The following ZBTB38 variants were observed in gnomAD, a reference collection of about 807,000 sequenced individuals.
ZBTB38 encodes the protein zinc finger and BTB domain-containing protein 38.
A neutral mutation model predicts 76.8 loss-of-function variants in ZBTB38; 20 were observed. That is an observed-to-expected ratio of 0.26 (90% CI 0.18 to 0.38). ZBTB38 has a LOEUF of 0.38. Ranked by LOEUF, ZBTB38 falls within the 10% of genes least tolerant of loss-of-function variation. The pLI, the probability that ZBTB38 is intolerant of heterozygous loss-of-function variation, is 1.00. For synonymous variants in ZBTB38, 504 were observed against 544.2 expected (o/e 0.93, Z 1.03); for missense variants, 1,082 against 1,482.3 (o/e 0.73, Z 4.43).
chr3:141,442,167 C>T lies in ZBTB38; in HGVS notation c.1-222C>T, dbSNP rs1373696565. 2.0e-5 allele frequency among the ~76,000 whole-genome samples: 3 copies of T among 151,880 alleles called. No homozygotes were observed. Among genetic ancestry groups the T allele is most frequent in the African/African-American group, 7.3e-5 (3 of 41,342 alleles). On this transcript the variant is annotated intron_variant, in intron 5 of 5. Coordinates refer to ENST00000321464, the MANE Select transcript of ZBTB38 (RefSeq NM_001376113.1). The surrounding 1 kb of genome is among the most constrained non-coding windows in gnomAD (Gnocchi z 6.4). ...AGGGGAAGGAGTTCTGGGAGGATTTCCAATGATAACAACTATTAGCAATGG... is the reference window on the plus strand; with the variant it reads ...AGGGGAAGGAGTTCTGGGAGGATTTTCAATGATAACAACTATTAGCAATGG...
At chr3:141,436,850 C>T (rs1176080159) in intron 5 of ZBTB38, among the ~76,000 whole-genome samples, 2 of 152,134 alleles carry the variant, frequency 1.3e-5, no homozygotes, top group African/African-American at 4.8e-5. Context: ...CTAAGATTTT[C>T]AAAAACATAG....
At position 141,443,864 on chromosome 3, in the gene ZBTB38, C is replaced by T. The variant is rs767849876; in HGVS notation, c.1476C>T (p.Tyr492=). ...HSWRRTYPCH[Y]CNKVFALAEY... ...GGAGAAGAACATATCCTTGCCATTA[C>T]TGCAACAAAGTATTTGCATTGGCTG... The change falls in exon 6 of 6, where the codon TAC becomes TAT. Residue 492 remains tyrosine, a synonymous_variant. Transcript: ENST00000321464. This position sits in a 1 kb window ranked among gnomAD's most constrained non-coding sequence, Gnocchi z 5.6. 2 of 1,614,140 alleles carry T rather than the reference C, an allele frequency of 1.2e-6. No homozygotes were observed. Among genetic ancestry groups the T allele is most frequent in the Non-Finnish European group, 1.7e-6 (2 of 1,180,036 alleles).
Position 141,368,666 on chromosome 3 carries a change from A to G in ZBTB38, c.-448A>G, listed in dbSNP as rs1424092410. 6.6e-6 allele frequency: 1 copy of G among 152,168 alleles called. No individual in the cohort carries two copies. The highest frequency in any genetic ancestry group is 2.4e-5 in the African/African-American group (1 of 41,426). The allele number at this position is 152,168 out of a possible 1,614,324, so 9.4% of individuals were successfully genotyped here. A position where few individuals can be genotyped will look rare whatever the true frequency, so the allele number is the denominator to read the frequency against. ...GTAGATCAACTTTCAAAATGTAGGAAGTCAGAATGGGTGACATCATCAGAA... is the reference window on the plus strand; with the variant it reads ...GTAGATCAACTTTCAAAATGTAGGAGGTCAGAATGGGTGACATCATCAGAA... On this transcript the variant is annotated 5_prime_UTR_variant, in exon 1 of 6. Coordinates refer to ENST00000321464, the MANE Select transcript of ZBTB38 (RefSeq NM_001376113.1).
chr3:141,418,302 G>A (rs942052733), intron 5 of ZBTB38, among the ~76,000 whole-genome samples: 3 of 152,186 alleles, frequency 2.0e-5, no homozygotes, highest in African/African-American at 7.2e-5. Context: ...CCCTCCCCAA[G>A]TGTGTCATTC....
At chr3:141,410,511 G>C (rs1379803813) in intron 5 of ZBTB38, among the ~76,000 whole-genome samples, 4 of 152,190 alleles carry the variant, frequency 2.6e-5, no homozygotes, top group African/African-American at 9.7e-5. Flanking sequence ...CCAGAAAAAG[G>C]CAGGTTATCA....
intron 4 of ZBTB38, among the ~76,000 whole-genome samples, chr3:141,395,988 G>A (rs897109112): frequency 2.0e-5 from 3 of 152,164 alleles, no homozygotes; most frequent in Non-Finnish European, 2.9e-5. Context: ...GCAGATGGAG[G>A]GTCTTGCCTG....
At chr3:141,384,144 G>A (rs1263001912) in intron 3 of ZBTB38, among the ~76,000 whole-genome samples, 2 of 152,208 alleles carry the variant, frequency 1.3e-5, no homozygotes, top group Non-Finnish European at 1.5e-5. Context: ...GAGTGTCTTG[G>A]AACATCACAA....
intron 5 of ZBTB38, among the ~76,000 whole-genome samples, chr3:141,421,280 T>C (rs563303715): frequency 0.013 from 1,723 of 129,674 alleles, 10 homozygotes; most frequent in Admixed American, 0.021. Flanking sequence ...ACTTCTCTCT[T>C]TTTTTTTTTT....
chr3:141,396,102 A>C (rs967768620), intron 4 of ZBTB38, among the ~76,000 whole-genome samples: 1 of 152,220 alleles, frequency 6.6e-6, no homozygotes, highest in African/African-American at 2.4e-5. Flanking sequence ...ATTGACTTTC[A>C]CAAAAGATTT....
chr3:141,382,460 C>T (rs908991878), intron 3 of ZBTB38, among the ~76,000 whole-genome samples: 1 of 152,058 alleles, frequency 6.6e-6, no homozygotes, highest in Admixed American at 6.6e-5. Flanking sequence ...GTATCTCTCT[C>T]GGCCTGTTTG....
At chr3:141,329,767 A>G (rs1942788224) in intron 1 of ZBTB38, among the ~76,000 whole-genome samples, 1 of 152,072 alleles carries the variant, frequency 6.6e-6, no homozygotes, top group Non-Finnish European at 1.5e-5. Flanking sequence ...TTTTCATTGT[A>G]CAGCTTTTGG....
chr3:141,340,619 C>T (rs576743944), intron 1 of ZBTB38, among the ~76,000 whole-genome samples: 3 of 152,210 alleles, frequency 2.0e-5, no homozygotes, highest in East Asian at 1.9e-4. Flanking sequence ...AGTGGTTGGC[C>T]GGGCGTGGTG....
At chr3:141,391,232 A>G (rs4683606) in intron 4 of ZBTB38, among the ~76,000 whole-genome samples, 81,080 of 152,094 alleles carry the variant, frequency 0.53, 24,203 homozygotes, top group African/African-American at 0.82. Context: ...AGCCACTTTA[A>G]AATGGTTGAT....
chr3:141,402,720 C>A (rs1368396553), intron 4 of ZBTB38: 2 of 152,020 alleles, frequency 1.3e-5, no homozygotes, highest in African/African-American at 4.8e-5. Context: ...CTGGAGAGTG[C>A]GGGCAGGTTG....
intron 2 of ZBTB38, among the ~76,000 whole-genome samples, chr3:141,377,974 C>T (rs755558424): frequency 3.9e-5 from 6 of 151,956 alleles, no homozygotes; most frequent in South Asian, 2.1e-4. Flanking sequence ...CCCAGGAGTT[C>T]GAGACCAGCC....
chr3:141,369,438 G>A (rs748470453), intron 1 of ZBTB38, among the ~76,000 whole-genome samples: 5 of 152,202 alleles, frequency 3.3e-5, no homozygotes, highest in Non-Finnish European at 7.3e-5. Context: ...GACACAATGT[G>A]TCTGTTTTAA....
rs1946185653 is a variant in ZBTB38, at chr3:141,381,497, C to T, written c.-172+10C>T. 1 of 152,268 alleles carries T rather than the reference C, an allele frequency of 6.6e-6. No individual in the cohort carries two copies. The highest frequency in any genetic ancestry group is 2.4e-5 in the African/African-American group (1 of 41,462). 9.4% of individuals were successfully genotyped at this position (152,268 alleles called of 1,614,324 possible). A position where few individuals can be genotyped will look rare whatever the true frequency, so the allele number is the denominator to read the frequency against. On this transcript the variant is annotated intron_variant, in intron 3 of 5. Coordinates refer to ENST00000321464, the MANE Select transcript of ZBTB38 (RefSeq NM_001376113.1). ...CAATCTTTGCCAACAGGTATGTACTCCTTTCTCATGTCCTACACAGATGCT... is the reference window on the plus strand; with the variant it reads ...CAATCTTTGCCAACAGGTATGTACTTCTTTCTCATGTCCTACACAGATGCT...
chr3:141,420,941 T>TAA (rs570846117), intron 5 of ZBTB38, among the ~76,000 whole-genome samples: 1 of 139,724 alleles, frequency 7.2e-6, no homozygotes, highest in Non-Finnish European at 1.5e-5. Flanking sequence ...GAGTTTCAGT[T>TAA]AAAAAAAAAA....
intron 1 of ZBTB38, among the ~76,000 whole-genome samples, chr3:141,355,934 AC>A (rs1943647532): frequency 6.6e-6 from 1 of 152,162 alleles, no homozygotes; most frequent in Non-Finnish European, 1.5e-5. Flanking sequence ...CCAGCCCAAG[AC>A]ACAAAATTCA....
Sources: allele counts gnomAD v4.1 joint callset (sites outside exome capture counted in the v4.1 genomes callset), GRCh38; gene constraint gnomAD v4.1.1; non-coding constraint Gnocchi (gnomAD v3.1); transcripts MANE v1.5; gene names NCBI Gene and HGNC (gene_info 2026-07-23, HGNC 2026-07-21).